Variants in THADA observed in about 807,000 individuals in gnomAD.
THADA encodes tRNA (32-2'-O)-methyltransferase regulator THADA.
THADA carries 213 observed loss-of-function variants against 219.8 expected under a neutral mutation model. The ratio of observed to expected loss-of-function variants is 0.97; its 90% CI spans 0.87 to 1.09. The LOEUF (loss-of-function observed/expected upper bound fraction) is 1.09, where lower values mean the gene tolerates loss of function less well. Ranked by LOEUF, THADA falls within the 50% of genes least tolerant of loss-of-function variation. The pLI is 0.00. For synonymous variants in THADA, 1,018 were observed against 828.9 expected, an observed-to-expected ratio of 1.23 and a Z score of -3.92; for missense variants, 2,956 against 2,311.3, an observed-to-expected ratio of 1.28 and a Z score of -5.72.
chr2:43,326,825 G>A (rs1002582699), intron 30 of THADA, among the ~76,000 whole-genome samples: 1 of 152,126 alleles, frequency 6.6e-6, no homozygotes, highest in Non-Finnish European at 1.5e-5. Flanking sequence ...GAAGAGAGAG[G>A]GAATTCACTT....
intron 26 of THADA, among the ~76,000 whole-genome samples, chr2:43,444,259 T>C (rs992322289): frequency 6.6e-6 from 1 of 152,220 alleles, no homozygotes; most frequent in Non-Finnish European, 1.5e-5. Flanking sequence ...AATGGTTCCA[T>C]ATCAATCTGA....
chr2:43,499,812 G>A (rs1243361154), intron 24 of THADA, among the ~76,000 whole-genome samples: 1 of 151,932 alleles, frequency 6.6e-6, no homozygotes, highest in Non-Finnish European at 1.5e-5. Flanking sequence ...AAAAAAAAAT[G>A]TACATCTCAA....
At chr2:43,538,293 T>C (rs1351676490) in intron 21 of THADA, 5 of 152,098 alleles carry the variant, frequency 3.3e-5, no homozygotes, top group African/African-American at 4.8e-5. Flanking sequence ...TGAGATAAGG[T>C]TGTGTGTACT....
chr2:43,450,554 AT>A (rs1682184973), intron 26 of THADA, among the ~76,000 whole-genome samples: 1 of 152,198 alleles, frequency 6.6e-6, no homozygotes, highest in African/African-American at 2.4e-5. Flanking sequence ...ACAGCAAAAA[AT>A]AAACTAAACA....
At chr2:43,558,269 C>T (rs979589409) in intron 16 of THADA, among the ~76,000 whole-genome samples, 6 of 152,078 alleles carry the variant, frequency 3.9e-5, no homozygotes, top group African/African-American at 1.2e-4. Flanking sequence ...TTAGAGAGAT[C>T]AGGTTAGCAT....
At position 43,475,808 on chromosome 2, in the gene THADA, C is replaced by T. The variant is rs373955388; in HGVS notation, c.3836+9426G>A. On this transcript the variant is annotated intron_variant, in intron 26 of 37. Transcript: ENST00000405975. ...TCTAGACACTTGTACTACTTCACAT[C>T]TTTTAATAATTACATAAAGAAAATA... 4.7e-4 allele frequency among the ~76,000 whole-genome samples: 72 copies of T among 152,274 alleles called. 1 individual carries two copies. The South Asian group carries it at 0.014, about 30-fold the overall frequency.
intron 36 of THADA, among the ~76,000 whole-genome samples, chr2:43,247,330 C>A (rs1218071716): frequency 6.6e-6 from 1 of 152,086 alleles, no homozygotes; most frequent in Admixed American, 6.5e-5. Flanking sequence ...AAGACAATGA[C>A]TGGGGGAAAT....
intron 30 of THADA, among the ~76,000 whole-genome samples, chr2:43,328,534 C>A (rs1353225364): frequency 1.3e-5 from 2 of 152,216 alleles, no homozygotes; most frequent in Non-Finnish European, 2.9e-5. Context: ...GGTGGACCAA[C>A]TTATACGGAA....
chr2:43,420,958 A>G (rs1009393354), intron 28 of THADA, among the ~76,000 whole-genome samples: 2 of 152,222 alleles, frequency 1.3e-5, no homozygotes, highest in African/African-American at 4.8e-5. Flanking sequence ...GTAGCTGCCC[A>G]AACAATGTGA....
At chr2:43,545,140 T>A (rs1175030146) in intron 20 of THADA, among the ~76,000 whole-genome samples, 1 of 152,160 alleles carries the variant, frequency 6.6e-6, no homozygotes, top group African/African-American at 2.4e-5. Flanking sequence ...ATCATGTGGT[T>A]TTTGTCTTTC....
chr2:43,249,941 C>A (rs1277215285), intron 36 of THADA, among the ~76,000 whole-genome samples: 1 of 152,188 alleles, frequency 6.6e-6, no homozygotes, highest in Non-Finnish European at 1.5e-5. Context: ...TTGGAACATG[C>A]CTGCTATTCC....
At chr2:43,590,009 T>C (rs1205836476) in intron 4 of THADA, among the ~76,000 whole-genome samples, 1 of 152,096 alleles carries the variant, frequency 6.6e-6, no homozygotes, top group Non-Finnish European at 1.5e-5. Context: ...TACAGATATA[T>C]ATAAAAAAAG....
At chr2:43,328,765 T>C (rs532633736) in intron 30 of THADA, among the ~76,000 whole-genome samples, 1 of 152,318 alleles carries the variant, frequency 6.6e-6, no homozygotes, top group South Asian at 2.1e-4. Context: ...CTGCAAAAGG[T>C]ACTGGGGTCC....
intron 26 of THADA, among the ~76,000 whole-genome samples, chr2:43,464,259 GA>G: frequency 6.6e-6 from 1 of 151,744 alleles, no homozygotes. Context: ...TATAACAAAG[GA>G]ATCTAAAACT....
At chr2:43,438,946 A>T (rs1423531236) in intron 26 of THADA, among the ~76,000 whole-genome samples, 1 of 152,228 alleles carries the variant, frequency 6.6e-6, no homozygotes, top group Non-Finnish European at 1.5e-5. Context: ...CTTATACTGT[A>T]CTCATCCTAC....
intron 36 of THADA, among the ~76,000 whole-genome samples, chr2:43,257,449 A>G (rs1252326964): frequency 6.6e-6 from 1 of 152,238 alleles, no homozygotes; most frequent in African/African-American, 2.4e-5. Context: ...GCCCAATTCC[A>G]AAAGGCTGGG....
chr2:43,290,053 G>A (rs1410472684), intron 34 of THADA, among the ~76,000 whole-genome samples: 2 of 142,276 alleles, frequency 1.4e-5, no homozygotes, highest in African/African-American at 5.2e-5. Flanking sequence ...TCAGATCACT[G>A]CAATCTCTGC....
At chr2:43,240,121 T>C (rs866713966) in intron 36 of THADA, among the ~76,000 whole-genome samples, 27 of 151,314 alleles carry the variant, frequency 1.8e-4, no homozygotes, top group African/African-American at 6.3e-4. Context: ...AAGGAGGAGG[T>C]GGCTTCACAG....
chr2:43,364,571 A>G (rs934664034), intron 29 of THADA, among the ~76,000 whole-genome samples: 4 of 152,242 alleles, frequency 2.6e-5, no homozygotes, highest in African/African-American at 9.6e-5. Flanking sequence ...ATGGAGAATC[A>G]CTGCACTAGG....
Sources: gnomAD v4.1 joint callset for allele counts (sites outside exome capture counted in the v4.1 genomes callset) on GRCh38, gnomAD v4.1.1 for gene constraint, MANE v1.5 for transcripts, NCBI Gene and HGNC (gene_info 2026-07-23, HGNC 2026-07-21) for gene names.